The following MYO6 variants were observed in gnomAD, a reference collection of about 807,000 sequenced individuals.
MYO6 encodes unconventional myosin-VI.
MYO6 carries 74 observed loss-of-function variants against 178.7 expected under a neutral mutation model. The ratio of observed to expected loss-of-function variants is 0.41; its 90% confidence interval spans 0.34 to 0.50. MYO6 has a LOEUF of 0.50. Among genes scored for constraint, MYO6 ranks in the 20% least tolerant of loss-of-function variants. The pLI, the probability that MYO6 is intolerant of heterozygous loss-of-function variation, is 0.09. For missense variants in MYO6, 1,330 were observed against 1,547.4 expected, an observed-to-expected ratio of 0.86 and a Z score of 2.36; for synonymous variants, 477 against 504.6, an observed-to-expected ratio of 0.95 and a Z score of 0.73.
Position 75,826,996 on chromosome 6 carries a change from A to G in MYO6, c.188-1544A>G, listed in dbSNP as rs149637728. Among the ~76,000 whole-genome samples the G allele has an allele frequency of 2.6e-3, 394 of 152,316 alleles. 4 individuals carry two copies. Among genetic ancestry groups the G allele is most frequent in the African/African-American group, 9.1e-3 (378 of 41,572 alleles). On this transcript the variant is annotated intron_variant, in intron 3 of 34. Transcript: ENST00000369977. ...AGATGGATGGGCAGTCTGTGGAGGT[A>G]GTTATGGCAAGAGGCTCTTGTTTGA...
At chr6:75,756,945 ATATGTGTATATATG>A (rs1338858333) in intron 1 of MYO6, among the ~76,000 whole-genome samples, 1 of 137,916 alleles carries the variant, frequency 7.3e-6, no homozygotes, top group African/African-American at 2.7e-5. Context: ...TAGTGTGTAT[ATATGTGTATATATG>A]TATACACACA....
chr6:75,752,010 C>G (rs1227616713), intron 1 of MYO6, among the ~76,000 whole-genome samples: 1 of 109,514 alleles, frequency 9.1e-6, no homozygotes, highest in Admixed American at 9.3e-5. Flanking sequence ...TTTTTTTTTT[C>G]TCTGAGATGG....
chr6:75,882,142 C>T (rs932790176), intron 23 of MYO6, among the ~76,000 whole-genome samples: 2 of 152,154 alleles, frequency 1.3e-5, no homozygotes, highest in African/African-American at 4.8e-5. Context: ...TTTCTGCCTG[C>T]ATGGCATCTA....
In MYO6 at chr6:75,898,414, T is replaced by C. The variant is rs1370477867; in HGVS notation, c.3176+3T>C. On this transcript the variant is annotated splice_donor_region_variant and intron_variant, in intron 30 of 34. Transcript: ENST00000369977. ...GAAATGTCAGAATTTTTGAGTAGGT[T>C]AGTGCAGTGTAATTGGGGGAAATAA... is the stretch of plus-strand genomic sequence containing the variant. The C allele has an allele frequency of 6.2e-7, 1 of 1,607,922 alleles. No homozygotes were observed. The highest frequency in any genetic ancestry group is 2.2e-5 in the East Asian group (1 of 44,784).
rs552083695 is a variant in MYO6, at chr6:75,756,933, T to C, written c.-48+7510T>C. Among the ~76,000 whole-genome samples, 16 of 146,602 alleles carry C rather than the reference T, an allele frequency of 1.1e-4. 1 individual carries two copies. Among genetic ancestry groups the C allele is most frequent in the African/African-American group, 3.5e-4 (14 of 39,968 alleles). On this transcript the variant is annotated intron_variant, in intron 1 of 34. Coordinates refer to ENST00000369977, the MANE Select transcript of MYO6 (RefSeq NM_004999.4). Reference sequence around the variant, plus strand: ...TATACACATATATATACACACCATATATAGTGTGTATATATGTGTATATAT... The same window carrying C: ...TATACACATATATATACACACCATACATAGTGTGTATATATGTGTATATAT...
chr6:75,889,626 T>C (rs962388356), intron 25 of MYO6, among the ~76,000 whole-genome samples: 2 of 152,226 alleles, frequency 1.3e-5, no homozygotes, highest in African/African-American at 2.4e-5. Flanking sequence ...TTGGCCAGGC[T>C]GGTCTCGAAC....
intron 2 of MYO6, among the ~76,000 whole-genome samples, chr6:75,818,958 A>G (rs757291797): frequency 1.1e-4 from 16 of 152,220 alleles, no homozygotes; most frequent in Non-Finnish European, 2.2e-4. Context: ...GAAGACCAAA[A>G]TGAAATTGAG....
At chr6:75,884,154 A>C (rs1778248602) in intron 23 of MYO6, among the ~76,000 whole-genome samples, 1 of 152,202 alleles carries the variant, frequency 6.6e-6, no homozygotes, top group African/African-American at 2.4e-5. Context: ...CGAAGTCAGT[A>C]ACCGGGCAGG....
intron 1 of MYO6, among the ~76,000 whole-genome samples, chr6:75,778,098 G>C (rs2150042306): frequency 6.6e-6 from 1 of 152,086 alleles, no homozygotes; most frequent in South Asian, 2.1e-4. Flanking sequence ...GGGCTTGAGT[G>C]ATCATCCTGT....
At chr6:75,878,153 A>T (rs911446832) in intron 20 of MYO6, among the ~76,000 whole-genome samples, 4 of 152,232 alleles carry the variant, frequency 2.6e-5, no homozygotes, top group Non-Finnish European at 4.4e-5. Context: ...ACAGAATAAT[A>T]TAAGTAACAA....
chr6:75,910,723 C>T (rs2149424236), intron 32 of MYO6, among the ~76,000 whole-genome samples: 1 of 152,032 alleles, frequency 6.6e-6, no homozygotes, highest in African/African-American at 2.4e-5. Flanking sequence ...TCTTTATGTT[C>T]TTCCTCATAC....
intron 14 of MYO6, 115 bp downstream of exon 14, chr6:75,859,108 T>G (rs1583291574): frequency 1.4e-6 from 1 of 738,998 alleles, no homozygotes; most frequent in South Asian, 1.7e-5. Context: ...TAACGGAAGG[T>G]GGCTCAGGGA....
rs1216744057 is a variant in MYO6, at chr6:75,823,778, T to C, written c.187+927T>C. On this transcript the variant is annotated intron_variant, in intron 3 of 34. Coordinates refer to ENST00000369977, the MANE Select transcript of MYO6 (RefSeq NM_004999.4). ...GATTCTATGTTGTTAGGAGGCTGTC[T>C]GCTCGTGGGCATTTCGTCTCTCTTC... Among the ~76,000 whole-genome samples the C allele has an allele frequency of 2.0e-5, 3 of 152,372 alleles. No individual in the cohort carries two copies. In the East Asian group the frequency reaches 5.8e-4, roughly 29 times the overall value.
At chr6:75,903,882 T>C (rs1209987592) in intron 30 of MYO6, among the ~76,000 whole-genome samples, 6 of 151,856 alleles carry the variant, frequency 4.0e-5, no homozygotes, top group Non-Finnish European at 5.9e-5. Context: ...TTCCTTTCCA[T>C]GTTTAGCGCT....
chr6:75,754,519 CAAAAAAA>C (rs58162315), intron 1 of MYO6, among the ~76,000 whole-genome samples: 1 of 44,176 alleles, frequency 2.3e-5, no homozygotes, highest in African/African-American at 1.3e-4. Flanking sequence ...GACTCCGTCT[CAAAAAAA>C]AAAAAAAAAA....
At chr6:75,762,402 G>A (rs1778032168) in intron 1 of MYO6, among the ~76,000 whole-genome samples, 2 of 152,232 alleles carry the variant, frequency 1.3e-5, no homozygotes, top group South Asian at 4.1e-4. Context: ...GGTGATAGAT[G>A]TAGTAAGGAG....
At position 75,832,857 on chromosome 6, in the gene MYO6, G is replaced by A. The variant is rs1163818595; in HGVS notation, c.407G>A (p.Arg136Gln). Residue 136 changes from arginine to glutamine, a missense_variant, in exon 6 of 35, where the codon CGA (arginine) becomes CAA (glutamine). Transcript: ENST00000369977. The stretch of plus-strand genomic sequence containing the variant: ...TTGACCCTAGCTGATAAAGCTTTTC[G>A]AGACATGAAGGTGCTCAAGATGAGT... ...HVFAIADKAF[R>Q]DMKVLKMSQS... 8 of 1,612,838 alleles carry A rather than the reference G, an allele frequency of 5.0e-6. No individual in the cohort carries two copies. Among genetic ancestry groups the A allele is most frequent in the East Asian group, 2.2e-5 (1 of 44,888 alleles).
At chr6:75,766,113 A>G (rs1247694737) in intron 1 of MYO6, among the ~76,000 whole-genome samples, 1 of 152,218 alleles carries the variant, frequency 6.6e-6, no homozygotes, top group Non-Finnish European at 1.5e-5. Flanking sequence ...ACTTGAGGCC[A>G]GGAGTTCGAG....
intron 9 of MYO6, among the ~76,000 whole-genome samples, chr6:75,842,195 C>T (rs1340221960): frequency 6.8e-6 from 1 of 146,586 alleles, no homozygotes; most frequent in Non-Finnish European, 1.5e-5. Context: ...CGCACACACA[C>T]ACACATGCAC....
Sources: gnomAD v4.1 joint callset for allele counts (sites outside exome capture counted in the v4.1 genomes callset) on GRCh38, gnomAD v4.1.1 for gene constraint, MANE v1.5 for transcripts, NCBI Gene and HGNC (gene_info 2026-07-23, HGNC 2026-07-21) for gene names.